The following FGL1 variants were observed in gnomAD, a reference collection of about 807,000 sequenced individuals.
FGL1 encodes fibrinogen-like protein 1.
In FGL1, 59 loss-of-function variants were observed where a neutral mutation model predicts 43.7. The ratio of observed to expected loss-of-function variants is 1.35; its 90% confidence interval spans 1.10 to 1.68. FGL1 has a LOEUF of 1.68. Among genes scored for constraint, FGL1 ranks in the 40% most tolerant of loss-of-function variants. FGL1 has a pLI of 0.00. For missense variants in FGL1, 596 were observed against 373.0 expected, an observed-to-expected ratio of 1.60 and a Z score of -4.92; for synonymous variants, 192 against 126.5, an observed-to-expected ratio of 1.52 and a Z score of -3.48.
At chr8:17,890,870 G>T (rs1450934069) in intron 1 of FGL1, among the ~76,000 whole-genome samples, 2 of 151,978 alleles carry the variant, frequency 1.3e-5, no homozygotes, top group African/African-American at 2.4e-5. Flanking sequence ...CAGCATGGGG[G>T]TAGCTGCCCC....
chr8:17,879,859 G>T (rs1328906946), intron 3 of FGL1, among the ~76,000 whole-genome samples: 1 of 152,070 alleles, frequency 6.6e-6, no homozygotes. Context: ...CTGATTAGCT[G>T]CCCCCTGCCA....
At chr8:17,882,441 G>A (rs926641126) in intron 2 of FGL1, 6 of 305,660 alleles carry the variant, frequency 2.0e-5, no homozygotes, top group Non-Finnish European at 6.1e-6. Flanking sequence ...GAGCTTTATA[G>A]TTGTCTCCTT....
chr8:17,874,643 A>G (rs1290153560), intron 3 of FGL1, 122 bp from the exon 4 acceptor site: 1 of 618,840 alleles, frequency 1.6e-6, no homozygotes. Flanking sequence ...TATAGAAATC[A>G]GCGTTTTAAA....
Position 17,874,449 on chromosome 8 carries a change from G to A in FGL1, c.317C>T (p.Ala106Val). ...FYKIKPLQSPAEFSVYCDMSD... is the reference protein window; with the variant it reads ...FYKIKPLQSPVEFSVYCDMSD... ...CATGTCACAATAAACAGAAAATTCT[G>A]CTGGGCTCTGGAGAGGTTTGATTTT... is the stretch of plus-strand genomic sequence containing the variant. Residue 106 changes from alanine (A) to valine (V), a missense_variant, in exon 4 of 8, where the codon GCA (alanine) becomes GTA (valine). By Grantham distance (64) the Ala-to-Val change is moderately conservative (BLOSUM62 0). Coordinates refer to ENST00000427924, the MANE Select transcript of FGL1 (RefSeq NM_004467.4). 4.3e-6 allele frequency: 7 copies of A among 1,613,992 alleles called. No homozygotes were observed. Among genetic ancestry groups the A allele is most frequent in the Non-Finnish European group, 5.9e-6 (7 of 1,179,956 alleles).
At chr8:17,864,968 T>C (rs887801568) in intron 7 of FGL1, among the ~76,000 whole-genome samples, 1 of 152,082 alleles carries the variant, frequency 6.6e-6, no homozygotes, top group Non-Finnish European at 1.5e-5. Context: ...TTTTTAATAA[T>C]AGAGACAGTG....
At position 17,868,829 on chromosome 8, in the gene FGL1, G is replaced by T. The variant is rs574875120; in HGVS notation, c.591+87C>A. ...CATAAACAAAAGAACAGGTTCTATT[G>T]TATATTTTTATTTCCACTGACTCCA... is the stretch of plus-strand genomic sequence containing the variant. On this transcript the variant is annotated intron_variant, in intron 6 of 7. Coordinates refer to ENST00000427924, the MANE Select transcript of FGL1 (RefSeq NM_004467.4). 618 of 1,469,104 alleles carry T rather than the reference G, an allele frequency of 4.2e-4. 9 individuals carry two copies. In the South Asian group the frequency reaches 7.6e-3, roughly 18 times the overall value. The allele number at this position is 1,469,104 out of a possible 1,614,324, so 91.0% of individuals were successfully genotyped here.
chr8:17,883,203 AATAATAT>A (rs2053573013), intron 2 of FGL1, among the ~76,000 whole-genome samples: 1 of 96,156 alleles, frequency 1.0e-5, no homozygotes, highest in Admixed American at 1.7e-4. Context: ...TAATATATTA[AATAATAT>A]ATAATATATA....
intron 1 of FGL1, among the ~76,000 whole-genome samples, chr8:17,887,393 G>C (rs1366419012): frequency 1.3e-5 from 2 of 152,154 alleles, no homozygotes; most frequent in Non-Finnish European, 2.9e-5. Flanking sequence ...TTCTTTCAAC[G>C]TAAGTCTTCT....
chr8:17,864,686 C>A lies in FGL1; in HGVS notation c.845G>T (p.Gly282Val). 1.2e-6 allele frequency: 2 copies of A among 1,613,000 alleles called. No individual in the cohort carries two copies. The highest frequency in any genetic ancestry group is 1.7e-6 in the Non-Finnish European group (2 of 1,179,462). The stretch of plus-strand genomic sequence containing the variant: ...CCCATGCCAGGTGTACCAGACAATC[C>A]CATTGTCTGTTTTAGCCGTGTAGGG... ...SGPYTAKTDN[G>V]IVWYTWHGWW... The change falls in exon 8 of 8, where the codon GGG becomes GTG. Residue 282 changes from glycine to valine, a missense_variant. Coordinates refer to ENST00000427924, the MANE Select transcript of FGL1 (RefSeq NM_004467.4).
At chr8:17,892,738 G>A (rs414789) in intron 1 of FGL1, among the ~76,000 whole-genome samples, 116,589 of 152,116 alleles carry the variant, frequency 0.77, 45,569 homozygotes, top group African/African-American at 0.85. Context: ...ATTTTAATCC[G>A]CTCCCAGATA....
In FGL1 at chr8:17,864,764, A is replaced by AC. The variant is rs772911084; in HGVS notation, c.780-14_780-13insG. The AC allele has an allele frequency of 7.0e-7, 1 of 1,431,494 alleles. No individual in the cohort carries two copies. Among genetic ancestry groups the AC allele is most frequent in the Non-Finnish European group, 9.2e-7 (1 of 1,085,762 alleles). 88.7% of individuals were successfully genotyped at this position (1,431,494 alleles called of 1,614,324 possible). On this transcript the variant is annotated splice_polypyrimidine_tract_variant and intron_variant, in intron 7 of 7. Transcript: ENST00000427924. Reference sequence around the variant, plus strand: ...TGCAGAGTGACACCTAGTGGAAGGGAGAAAAAAAAAGAAAACAACAATCAG... The same window carrying AC: ...TGCAGAGTGACACCTAGTGGAAGGGACGAAAAAAAAAGAAAACAACAATCAG...
At chr8:17,866,010 G>A (rs2053264686) in intron 7 of FGL1, among the ~76,000 whole-genome samples, 1 of 152,072 alleles carries the variant, frequency 6.6e-6, no homozygotes, top group East Asian at 1.9e-4. Flanking sequence ...AAAACAGCAT[G>A]GAAAGTAATG....
rs142975385 is a variant in FGL1, at chr8:17,874,420, C to G, written c.346G>C (p.Asp116His). ...AEFSVYCDMS[D>H]GGGWTVIQRR... ...TGAATTACAGTCCATCCTCCTCCAT[C>G]GGACATGTCACAATAAACAGAAAAT... The change falls in exon 4 of 8, where the codon GAT becomes CAT. Residue 116 changes from aspartate (D) to histidine (H), a missense_variant. Coordinates refer to ENST00000427924, the MANE Select transcript of FGL1 (RefSeq NM_004467.4). 2.1e-5 allele frequency: 34 copies of G among 1,614,010 alleles called. No homozygotes were observed. The highest frequency in any genetic ancestry group is 2.8e-5 in the Non-Finnish European group (33 of 1,179,998).
At chr8:17,887,740 C>T (rs1343831132) in intron 1 of FGL1, among the ~76,000 whole-genome samples, 3 of 151,704 alleles carry the variant, frequency 2.0e-5, no homozygotes, top group Admixed American at 6.6e-5. Flanking sequence ...GAGGCTGAGG[C>T]AGGAGAATTG....
intron 2 of FGL1, among the ~76,000 whole-genome samples, chr8:17,884,840 A>T (rs561687378): frequency 6.6e-6 from 1 of 152,290 alleles, no homozygotes; most frequent in African/African-American, 2.4e-5. Flanking sequence ...TTTTTTATTC[A>T]CAAATGAAGG....
intron 7 of FGL1, 153 bp downstream of exon 7, chr8:17,868,395 T>C: frequency 1.9e-6 from 1 of 528,528 alleles, no homozygotes. Context: ...TCAAAACGAC[T>C]TCATTGCTGA....
rs142274061 is a variant in FGL1, at chr8:17,866,382, T to C, written c.780-1631A>G. Among the ~76,000 whole-genome samples, 55 of 152,264 alleles carry C rather than the reference T, an allele frequency of 3.6e-4. 1 individual carries two copies. The East Asian group carries it at 9.4e-3, about 26-fold the overall frequency. ...ACATTTTATAGGTGGGTAATATTTA[T>C]GAAGTGCCAACATTTCATGTAAATT... is the stretch of plus-strand genomic sequence containing the variant. On this transcript the variant is annotated intron_variant, in intron 7 of 7. Transcript: ENST00000427924.
intron 5 of FGL1, among the ~76,000 whole-genome samples, chr8:17,871,822 C>T (rs539346503): frequency 6.6e-6 from 1 of 152,114 alleles, no homozygotes; most frequent in Non-Finnish European, 1.5e-5. Flanking sequence ...GATTAGCCAG[C>T]CTGAGTACCA....
At chr8:17,879,746 A>T (rs1272330664) in intron 3 of FGL1, among the ~76,000 whole-genome samples, 5 of 151,452 alleles carry the variant, frequency 3.3e-5, no homozygotes, top group African/African-American at 1.2e-4. Flanking sequence ...TTTATAAACG[A>T]CCCAGCCTCA....
Sources: allele counts gnomAD v4.1 joint callset (sites outside exome capture counted in the v4.1 genomes callset), GRCh38; gene constraint gnomAD v4.1.1; transcripts MANE v1.5; gene names NCBI Gene and HGNC (gene_info 2026-07-23, HGNC 2026-07-21).